Variants in APH1B observed in about 807,000 individuals in gnomAD.
APH1B encodes aph-1B gamma-secretase subunit.
In APH1B, 27 loss-of-function variants were observed where a neutral mutation model predicts 28.2. The ratio of observed to expected loss-of-function variants is 0.96; its 90% confidence interval spans 0.70 to 1.32. The LOEUF is 1.32. Ranked by LOEUF, APH1B falls within the 40% of genes most tolerant of loss-of-function variation. The pLI, the probability that APH1B is intolerant of heterozygous loss-of-function variation, is 0.00. For missense variants in APH1B, 305 were observed against 313.6 expected (o/e 0.97, Z 0.21); for synonymous variants, 141 against 124.6 (o/e 1.13, Z -0.88).
At chr15:63,288,894 G>A (rs2038475170) in intron 4 of APH1B, among the ~76,000 whole-genome samples, 1 of 152,104 alleles carries the variant, frequency 6.6e-6, no homozygotes, top group Admixed American at 6.5e-5. Context: ...TTTGTTTTCT[G>A]TTTTCATATA....
intron 4 of APH1B, among the ~76,000 whole-genome samples, chr15:63,292,707 A>G (rs1440207332): frequency 6.6e-6 from 1 of 152,140 alleles, no homozygotes; most frequent in Non-Finnish European, 1.5e-5. Context: ...CTTTATATCA[A>G]TAGTGTAAGC....
chr15:63,290,787 T>A (rs2038496902), intron 4 of APH1B, among the ~76,000 whole-genome samples: 1 of 152,248 alleles, frequency 6.6e-6, no homozygotes. Context: ...CACTGCTCTG[T>A]CCTCGGCATC....
chr15:63,286,903 A>G (rs775571600), intron 3 of APH1B, among the ~76,000 whole-genome samples: 9 of 152,216 alleles, frequency 5.9e-5, no homozygotes, highest in Non-Finnish European at 1.2e-4. Flanking sequence ...GATTTTCTAG[A>G]TGATGAAACT....
chr15:63,303,258 C>A (rs571107543), intron 5 of APH1B, among the ~76,000 whole-genome samples: 1 of 152,344 alleles, frequency 6.6e-6, no homozygotes, highest in East Asian at 1.9e-4. Flanking sequence ...CCCTGTTCGA[C>A]CAGTCACTGC....
chr15:63,293,234 G>T (rs2038524464), intron 4 of APH1B, among the ~76,000 whole-genome samples: 1 of 151,136 alleles, frequency 6.6e-6, no homozygotes, highest in Non-Finnish European at 1.5e-5. Context: ...GTGCGGTCTC[G>T]GCTCACTGCA....
intron 4 of APH1B, among the ~76,000 whole-genome samples, chr15:63,300,926 A>C (rs2038620601): frequency 6.6e-6 from 1 of 152,210 alleles, no homozygotes; most frequent in Admixed American, 6.5e-5. Flanking sequence ...TTATTTATCC[A>C]TTCTGGTAAT....
intron 4 of APH1B, among the ~76,000 whole-genome samples, chr15:63,299,508 C>T (rs2038602229): frequency 6.6e-6 from 1 of 152,024 alleles, no homozygotes; most frequent in African/African-American, 2.4e-5. Flanking sequence ...AGGTTCACGC[C>T]ATTCTCCTGC....
intron 4 of APH1B, among the ~76,000 whole-genome samples, chr15:63,292,973 A>G (rs1315640898): frequency 6.6e-6 from 1 of 152,094 alleles, no homozygotes; most frequent in Non-Finnish European, 1.5e-5. Context: ...TTCAGGCCAC[A>G]CTGAATCACT....
chr15:63,296,203 G>A (rs1303847059), intron 4 of APH1B, among the ~76,000 whole-genome samples: 3 of 152,202 alleles, frequency 2.0e-5, no homozygotes, highest in Non-Finnish European at 4.4e-5. Context: ...TCAAGAGTCT[G>A]GAGAGTTTCT....
chr15:63,306,627 G>A lies in APH1B; in HGVS notation c.*846G>A, dbSNP rs1359007263. On this transcript the variant is annotated 3_prime_UTR_variant, in exon 6 of 6. Coordinates refer to ENST00000261879, the MANE Select transcript of APH1B (RefSeq NM_031301.4). ...AGCGTTCACCATCTGAGTGCCAGTTGCTGGACTAGTTGAGGTGAAGTGCAT... is the reference window on the plus strand; with the variant it reads ...AGCGTTCACCATCTGAGTGCCAGTTACTGGACTAGTTGAGGTGAAGTGCAT... 6.6e-6 allele frequency: 1 copy of A among 152,272 alleles called. No individual in the cohort carries two copies. The highest frequency in any genetic ancestry group is 1.9e-4 in the East Asian group (1 of 5,202). The allele number at this position is 152,272 out of a possible 1,614,324, so 9.4% of individuals were successfully genotyped here.
rs1189464765 is a variant in APH1B, at chr15:63,307,979, C to A, written c.*2198C>A. The A allele has an allele frequency of 4.6e-5, 7 of 152,194 alleles. No individual in the cohort carries two copies. The East Asian group carries it at 1.3e-3, about 29-fold the overall frequency. 9.4% of individuals were successfully genotyped at this position (152,194 alleles called of 1,614,324 possible). On this transcript the variant is annotated 3_prime_UTR_variant, in exon 6 of 6. Coordinates refer to ENST00000261879, the MANE Select transcript of APH1B (RefSeq NM_031301.4). ...ATTTATCGTAAAACATGAGCCTTTC[C>A]AGAGTCAGCTTAGACACTGTTGTCG...
At chr15:63,303,566 G>T (rs1320515509) in intron 5 of APH1B, among the ~76,000 whole-genome samples, 1 of 152,196 alleles carries the variant, frequency 6.6e-6, no homozygotes, top group Non-Finnish European at 1.5e-5. Flanking sequence ...CACGATCACG[G>T]CTCATTGCAG....
intron 3 of APH1B, 153 bp from the exon 4 acceptor site, chr15:63,287,271 A>G: frequency 1.1e-6 from 1 of 950,398 alleles, no homozygotes; most frequent in Non-Finnish European, 1.5e-6. Flanking sequence ...TCATTTAGCC[A>G]AGCACATGCC....
chr15:63,302,103 G>A (rs531953416), intron 4 of APH1B, among the ~76,000 whole-genome samples: 2 of 152,310 alleles, frequency 1.3e-5, no homozygotes, highest in East Asian at 1.9e-4. Flanking sequence ...GAAGCTGCCT[G>A]AAAGCCAGAT....
At chr15:63,284,559 T>A (rs7178404) in intron 2 of APH1B, among the ~76,000 whole-genome samples, 6,742 of 120,212 alleles carry the variant, frequency 0.056, 462 homozygotes, top group African/African-American at 0.19. Context: ...CTAGGTTTGT[T>A]TACACCAACA....
chr15:63,305,901 A>T lies in APH1B; in HGVS notation c.*120A>T, dbSNP rs2038683144. The T allele has an allele frequency of 6.1e-6, 8 of 1,305,034 alleles. No individual in the cohort carries two copies. Among genetic ancestry groups the T allele is most frequent in the Non-Finnish European group, 8.2e-6 (8 of 970,442 alleles). The allele number at this position is 1,305,034 out of a possible 1,614,324, so 80.8% of individuals were successfully genotyped here. Reference sequence around the variant, plus strand: ...GAGAAAGAAATAAAACTATGCAGATATGCGTTCCATTCACTTGGCTTTCAC... The same window carrying T: ...GAGAAAGAAATAAAACTATGCAGATTTGCGTTCCATTCACTTGGCTTTCAC... On this transcript the variant is annotated 3_prime_UTR_variant, in exon 6 of 6. Transcript: ENST00000261879.
intron 4 of APH1B, among the ~76,000 whole-genome samples, chr15:63,293,125 C>T (rs1322455535): frequency 6.6e-6 from 1 of 151,996 alleles, no homozygotes; most frequent in Non-Finnish European, 1.5e-5. Flanking sequence ...TCAGCCACTG[C>T]TGCCTTTATT....
chr15:63,287,573 C>T (rs1487958568), intron 4 of APH1B, 27 bp downstream of exon 4: 1 of 1,610,348 alleles, frequency 6.2e-7, no homozygotes, highest in South Asian at 1.1e-5. Flanking sequence ...TGTCAACATT[C>T]AGGCTTCTAG....
intron 1 of APH1B, 152 bp downstream of exon 1, chr15:63,277,888 C>A: frequency 2.7e-6 from 2 of 750,188 alleles, no homozygotes; most frequent in Admixed American, 3.1e-5. Flanking sequence ...ATCCGGCTCC[C>A]CAAAGGCGCC....
Sources: gnomAD v4.1 joint callset for allele counts (sites outside exome capture counted in the v4.1 genomes callset) on GRCh38, gnomAD v4.1.1 for gene constraint, MANE v1.5 for transcripts, NCBI Gene and HGNC (gene_info 2026-07-23, HGNC 2026-07-21) for gene names.